KIRREL3: variants seen among roughly 807,000 people sequenced by gnomAD.
The protein encoded by KIRREL3 is kirre like nephrin family adhesion molecule 3, also known as kin of IRRE-like protein 3.
Under a neutral mutation model 89.7 loss-of-function variants are expected in KIRREL3, and 36 were observed. That is an observed-to-expected ratio of 0.40 (90% CI 0.31 to 0.53). The LOEUF is 0.53. KIRREL3 is among the 20% of genes least tolerant of loss of function. The pLI, the probability that KIRREL3 is intolerant of heterozygous loss-of-function variation, is 0.49. For missense variants in KIRREL3, 864 were observed against 1,056.6 expected (o/e 0.82, Z 2.53); for synonymous variants, 445 against 441.4 (o/e 1.01, Z -0.10).
At chr11:126,845,562 C>T (rs1381483731) in intron 1 of KIRREL3, among the ~76,000 whole-genome samples, 1 of 152,094 alleles carries the variant, frequency 6.6e-6, no homozygotes, top group Middle Eastern at 3.2e-3. Flanking sequence ...TTCAAGATGG[C>T]CCGGAAAACT....
Position 126,440,453 on chromosome 11 carries a change from C to A in KIRREL3, c.1349G>T (p.Arg450Leu). The change falls in exon 11 of 17, where the codon CGC becomes CTC. Residue 450 changes from arginine (R) to leucine (L), a missense_variant. Arg to Leu is a moderately radical substitution (Grantham distance 102). Coordinates refer to ENST00000525144, the MANE Select transcript of KIRREL3 (RefSeq NM_032531.4). ...CGCCGTCCCTGGAGCACTCACGATG[C>A]GGTCCGGCGGCGGCGTGCTCCGGAT... ...CFIRSTPPPDRIAWSWKENVL... is the reference protein window; with the variant it reads ...CFIRSTPPPDLIAWSWKENVL... 2 of 1,572,008 alleles carry A rather than the reference C, an allele frequency of 1.3e-6. No homozygotes were observed. The highest frequency in any genetic ancestry group is 1.7e-6 in the Non-Finnish European group (2 of 1,159,526).
intron 6 of KIRREL3, among the ~76,000 whole-genome samples, chr11:126,458,323 G>A (rs1956439877): frequency 6.6e-6 from 1 of 152,218 alleles, no homozygotes; most frequent in Non-Finnish European, 1.5e-5. Flanking sequence ...TCCCCATGGG[G>A]GCACCACAAA....
chr11:126,958,712 C>T (rs904175001), intron 1 of KIRREL3, among the ~76,000 whole-genome samples: 3 of 152,254 alleles, frequency 2.0e-5, no homozygotes, highest in African/African-American at 4.8e-5. Flanking sequence ...TCATGCAAAG[C>T]ATCCCTAGCA....
In KIRREL3 at chr11:126,515,091, GT is replaced by G. The variant is rs1958365618; in HGVS notation, c.433+6223del. Among the ~76,000 whole-genome samples the G allele has an allele frequency of 6.6e-6, 1 of 152,152 alleles. No individual in the cohort carries two copies. Among genetic ancestry groups the G allele is most frequent in the South Asian group, 2.1e-4 (1 of 4,810 alleles). ...GGTGGGGGAAACAGACATGAAAACA[GT>G]TACTCTCAACATAGCGTGTCGAGAC... On this transcript the variant is annotated intron_variant, in intron 4 of 16. Coordinates refer to ENST00000525144, the MANE Select transcript of KIRREL3 (RefSeq NM_032531.4). The surrounding 1 kb of genome is among the most constrained non-coding windows in gnomAD (Gnocchi z 4.2).
intron 1 of KIRREL3, among the ~76,000 whole-genome samples, chr11:126,717,319 T>C (rs1367945329): frequency 6.6e-6 from 1 of 151,338 alleles, no homozygotes; most frequent in African/African-American, 2.5e-5. Flanking sequence ...TTTAATGAAA[T>C]AGTGGAAGCG....
rs567820373 is a variant in KIRREL3, at chr11:126,655,712, A to C, written c.56-92800T>G. ...TGTCTCAAGCATTTCAGGGGGCTGC[A>C]GATTTAGGGGGACAGTCCTGGTGGC... is the stretch of plus-strand genomic sequence containing the variant. On this transcript the variant is annotated intron_variant, in intron 1 of 16. Transcript: ENST00000525144. The surrounding 1 kb of genome is among the most constrained non-coding windows in gnomAD (Gnocchi z 5.0). 6.6e-6 allele frequency among the ~76,000 whole-genome samples: 1 copy of C among 152,238 alleles called. No individual in the cohort carries two copies. The highest frequency in any genetic ancestry group is 2.1e-4 in the South Asian group (1 of 4,814).
At position 126,704,990 on chromosome 11, in the gene KIRREL3, G is replaced by A. The variant is rs1947469938; in HGVS notation, c.56-142078C>T. ...CCAGAGCTGTATGACAGGAGTGGGA[G>A]GACTCTTGGGTCAGAACTGTATTTG... On this transcript the variant is annotated intron_variant, in intron 1 of 16. Coordinates refer to ENST00000525144, the MANE Select transcript of KIRREL3 (RefSeq NM_032531.4). The surrounding 1 kb of genome is among the most constrained non-coding windows in gnomAD (Gnocchi z 4.2). Among the ~76,000 whole-genome samples the A allele has an allele frequency of 6.6e-6, 1 of 152,086 alleles. No homozygotes were observed. Among genetic ancestry groups the A allele is most frequent in the Non-Finnish European group, 1.5e-5 (1 of 68,020 alleles).
chr11:126,934,419 C>G (rs754528770), intron 1 of KIRREL3, among the ~76,000 whole-genome samples: 1 of 152,032 alleles, frequency 6.6e-6, no homozygotes, highest in Non-Finnish European at 1.5e-5. Context: ...ACACCAAAAG[C>G]ACAATCCATA....
chr11:126,589,196 C>T (rs917842091), intron 1 of KIRREL3, among the ~76,000 whole-genome samples: 2 of 152,230 alleles, frequency 1.3e-5, no homozygotes, highest in Non-Finnish European at 2.9e-5. Context: ...CTGTTCATCA[C>T]GAGAACAGGG....
intron 1 of KIRREL3, among the ~76,000 whole-genome samples, chr11:126,839,165 A>G (rs942591782): frequency 6.6e-6 from 1 of 152,180 alleles, no homozygotes; most frequent in African/African-American, 2.4e-5. Context: ...AAATTTCCAT[A>G]TGCTGCTGAA....
At chr11:126,964,216 C>A (rs1384716918) in intron 1 of KIRREL3, among the ~76,000 whole-genome samples, 1 of 152,148 alleles carries the variant, frequency 6.6e-6, no homozygotes, top group African/African-American at 2.4e-5. Context: ...GATTCCAGCC[C>A]AGCTGATAGA....
chr11:126,466,608 T>C (rs1956734074), intron 5 of KIRREL3, among the ~76,000 whole-genome samples: 1 of 152,222 alleles, frequency 6.6e-6, no homozygotes, highest in Admixed American at 6.5e-5. Flanking sequence ...TTCTTTTGCT[T>C]CACTCCTTTT....
Position 126,476,178 on chromosome 11 carries a change from G to A in KIRREL3, c.434-2712C>T, listed in dbSNP as rs1366370518. ...TGGACAGGGGTTTGAAGCCTTGACT[G>A]CATGCTCCTCTGCAGAGGTTTTAAA... On this transcript the variant is annotated intron_variant, in intron 4 of 16. Transcript: ENST00000525144. The surrounding 1 kb of genome is among the most constrained non-coding windows in gnomAD (Gnocchi z 6.4). Among the ~76,000 whole-genome samples the A allele has an allele frequency of 6.6e-6, 1 of 152,226 alleles. No homozygotes were observed. The highest frequency in any genetic ancestry group is 1.5e-5 in the Non-Finnish European group (1 of 68,036).
intron 1 of KIRREL3, among the ~76,000 whole-genome samples, chr11:126,592,376 T>C (rs577598177): frequency 6.6e-6 from 1 of 152,304 alleles, no homozygotes; most frequent in South Asian, 2.1e-4. Context: ...AAAGGTACCA[T>C]TGTTCCCTTT....
In KIRREL3 at chr11:126,636,184, G is replaced by A. The variant is rs1944258252; in HGVS notation, c.56-73272C>T. ...GGGAAGGGTAATAGCACTATCCTTA[G>A]CATTATAAAATAATGGATACTTATG... On this transcript the variant is annotated intron_variant, in intron 1 of 16. Transcript: ENST00000525144. The surrounding 1 kb of genome is among the most constrained non-coding windows in gnomAD (Gnocchi z 4.4). Among the ~76,000 whole-genome samples, 1 of 152,176 alleles carries A rather than the reference G, an allele frequency of 6.6e-6. No homozygotes were observed. The highest frequency in any genetic ancestry group is 1.5e-5 in the Non-Finnish European group (1 of 68,028).
intron 1 of KIRREL3, among the ~76,000 whole-genome samples, chr11:126,827,224 C>A (rs1943448388): frequency 6.6e-6 from 1 of 151,696 alleles, no homozygotes; most frequent in Non-Finnish European, 1.5e-5. Context: ...GTTGCCCAGG[C>A]TGGAGTGCAG....
rs1958737674 is a variant in KIRREL3 at position 126,525,958 on chromosome 11, C to A, written c.283+580G>T. On this transcript the variant is annotated intron_variant, in intron 3 of 16. Coordinates refer to ENST00000525144, the MANE Select transcript of KIRREL3 (RefSeq NM_032531.4). The surrounding 1 kb of genome is among the most constrained non-coding windows in gnomAD (Gnocchi z 5.4). The stretch of plus-strand genomic sequence containing the variant: ...AGCCATCAACAACCATGGGAACTCT[C>A]ACTGCCTGTCCCAGGGTAGCTTTGC... Among the ~76,000 whole-genome samples, 1 of 152,230 alleles carries A rather than the reference C, an allele frequency of 6.6e-6. No homozygotes were observed. Among genetic ancestry groups the A allele is most frequent in the Non-Finnish European group, 1.5e-5 (1 of 68,040 alleles).
chr11:126,646,818 T>C (rs761861910), intron 1 of KIRREL3, among the ~76,000 whole-genome samples: 47 of 152,256 alleles, frequency 3.1e-4, no homozygotes, highest in Non-Finnish European at 2.8e-4. Flanking sequence ...CAATTGTAAT[T>C]GCAATGTAGC....
intron 7 of KIRREL3, among the ~76,000 whole-genome samples, chr11:126,450,992 T>TGTGCATGTGTGCACGTGA (rs1182180034): frequency 6.6e-6 from 1 of 150,682 alleles, no homozygotes. Flanking sequence ...CATGTGTCAA[T>TGTGCATGTGTGCACGTGA]GTGCATGTGT....
Sources: allele counts gnomAD v4.1 joint callset (sites outside exome capture counted in the v4.1 genomes callset), GRCh38; gene constraint gnomAD v4.1.1; non-coding constraint Gnocchi (gnomAD v3.1); transcripts MANE v1.5; gene names NCBI Gene and HGNC (gene_info 2026-07-23, HGNC 2026-07-21).